SCN7A: variants seen among roughly 807,000 people sequenced by gnomAD.
SCN7A encodes the protein sodium channel protein type 7 subunit alpha.
In SCN7A, 138 loss-of-function variants were observed where a neutral mutation model predicts 155.2. The ratio of observed to expected loss-of-function variants is 0.89; its 90% confidence interval spans 0.77 to 1.02. The LOEUF (loss-of-function observed/expected upper bound fraction) is 1.02. Ranked by LOEUF, SCN7A falls within the 50% of genes least tolerant of loss-of-function variation. The pLI, the probability that SCN7A is intolerant of heterozygous loss-of-function variation, is 0.00. For missense variants in SCN7A, 2,058 were observed against 1,986.6 expected (o/e 1.04, Z -0.68); for synonymous variants, 693 against 649.0 (o/e 1.07, Z -1.03).
chr2:166,413,855 G>C (rs1701255462), intron 21 of SCN7A, among the ~76,000 whole-genome samples: 1 of 148,708 alleles, frequency 6.7e-6, no homozygotes, highest in Non-Finnish European at 1.5e-5. Context: ...AAGTTCTTCA[G>C]TTTTGAGACT....
At chr2:166,480,548 T>C (rs1434430553) in intron 2 of SCN7A, among the ~76,000 whole-genome samples, 1 of 151,876 alleles carries the variant, frequency 6.6e-6, no homozygotes, top group Non-Finnish European at 1.5e-5. Flanking sequence ...TATTAAATAA[T>C]TTATAAATAA....
chr2:166,487,225 G>A (rs1218986874), intron 1 of SCN7A, among the ~76,000 whole-genome samples: 1 of 152,138 alleles, frequency 6.6e-6, no homozygotes, highest in Non-Finnish European at 1.5e-5. Context: ...GAAACATCCT[G>A]AGTTGGATGA....
intron 14 of SCN7A, among the ~76,000 whole-genome samples, chr2:166,441,974 T>C (rs1407726207): frequency 1.3e-5 from 2 of 152,218 alleles, no homozygotes; most frequent in Non-Finnish European, 2.9e-5. Flanking sequence ...ACTGATGTAT[T>C]TGCCAATTCC....
chr2:166,438,343 C>T (rs1701881703), intron 15 of SCN7A, among the ~76,000 whole-genome samples: 1 of 152,084 alleles, frequency 6.6e-6, no homozygotes, highest in Non-Finnish European at 1.5e-5. Flanking sequence ...CTGAGGTCTT[C>T]ACCCTATGTA....
intron 11 of SCN7A, among the ~76,000 whole-genome samples, chr2:166,454,546 A>T (rs766183218): frequency 1.1e-4 from 16 of 152,148 alleles, no homozygotes; most frequent in Non-Finnish European, 2.2e-4. Flanking sequence ...TCCCTCTTTG[A>T]CTTAGTAGGG....
At chr2:166,423,999 T>C (rs1353580289) in intron 18 of SCN7A, among the ~76,000 whole-genome samples, 1 of 152,110 alleles carries the variant, frequency 6.6e-6, no homozygotes, top group Non-Finnish European at 1.5e-5. Context: ...TCTAATCATG[T>C]CATTGAAAGC....
intron 17 of SCN7A, among the ~76,000 whole-genome samples, chr2:166,428,531 T>G (rs1029601187): frequency 2.6e-5 from 4 of 152,028 alleles, no homozygotes; most frequent in African/African-American, 9.7e-5. Flanking sequence ...GGCTGCACTC[T>G]GCGCTCTGGC....
chr2:166,422,935 T>C (rs958412013), intron 19 of SCN7A, among the ~76,000 whole-genome samples: 1 of 152,130 alleles, frequency 6.6e-6, no homozygotes, highest in Non-Finnish European at 1.5e-5. Context: ...TTGTGATATA[T>C]GATTAAGAGT....
chr2:166,438,888 T>C (rs904279619), intron 15 of SCN7A, among the ~76,000 whole-genome samples: 1 of 151,492 alleles, frequency 6.6e-6, no homozygotes, highest in African/African-American at 2.4e-5. Flanking sequence ...CCTCTGCACA[T>C]TGATGAAGTT....
At chr2:166,445,024 T>G (rs925803620) in intron 12 of SCN7A, 24 bp from the exon 13 acceptor site, 3 of 1,495,480 alleles carry the variant, frequency 2.0e-6, no homozygotes, top group Non-Finnish European at 2.8e-6. Flanking sequence ...ATACAAAAGT[T>G]AAACATTCTG....
At chr2:166,451,052 G>A (rs1383738089) in intron 11 of SCN7A, among the ~76,000 whole-genome samples, 2 of 152,094 alleles carry the variant, frequency 1.3e-5, no homozygotes, top group Admixed American at 1.3e-4. Context: ...CCTTAATTGA[G>A]ATGAATTAAT....
At chr2:166,430,331 A>T (rs1701708150) in intron 16 of SCN7A, among the ~76,000 whole-genome samples, 1 of 151,982 alleles carries the variant, frequency 6.6e-6, no homozygotes, top group South Asian at 2.1e-4. Flanking sequence ...AAAGTAAAGT[A>T]TCCAGCAGAA....
At chr2:166,434,979 A>G (rs563675778) in intron 15 of SCN7A, among the ~76,000 whole-genome samples, 5 of 152,228 alleles carry the variant, frequency 3.3e-5, no homozygotes, top group South Asian at 2.1e-4. Context: ...AGTTTATGCT[A>G]TATTAATCAT....
intron 5 of SCN7A, 98 bp from the exon 6 acceptor site, chr2:166,472,543 A>C (rs1265250405): frequency 9.7e-7 from 1 of 1,029,500 alleles, no homozygotes; most frequent in African/African-American, 1.6e-5. Flanking sequence ...TTTAAGAATA[A>C]GTCATCAGGA....
rs112131676 is a variant in SCN7A, at chr2:166,423,504, G to A, written c.2854-72C>T. 925 of 1,430,126 alleles carry A rather than the reference G, an allele frequency of 6.5e-4. 5 individuals carry two copies. In the African/African-American group the frequency reaches 0.011, roughly 17 times the overall value. 88.6% of individuals were successfully genotyped at this position (1,430,126 alleles called of 1,614,324 possible). A position where few individuals can be genotyped will look rare whatever the true frequency, so the allele number is the denominator to read the frequency against. ...CTAAAAACTCTTTTGACATAAAAGC[G>A]AACAAAATTTTGTCTCTAATAGGCA... On this transcript the variant is annotated intron_variant, in intron 18 of 25. Coordinates refer to ENST00000643258, the MANE Select transcript of SCN7A (RefSeq NM_002976.4).
intron 7 of SCN7A, 79 bp downstream of exon 7, chr2:166,470,533 GAAC>G: frequency 1.7e-6 from 2 of 1,186,038 alleles, no homozygotes; most frequent in Admixed American, 2.6e-5. Flanking sequence ...TATTTCCTCT[GAAC>G]AACAACAGGG....
intron 15 of SCN7A, among the ~76,000 whole-genome samples, chr2:166,435,391 G>T (rs1701816270): frequency 6.7e-6 from 1 of 149,102 alleles, no homozygotes; most frequent in African/African-American, 2.5e-5. Flanking sequence ...TCTGTAACCA[G>T]ATTAAAAACA....
intron 2 of SCN7A, among the ~76,000 whole-genome samples, chr2:166,486,455 C>T (rs1453523843): frequency 1.3e-5 from 2 of 152,176 alleles, no homozygotes; most frequent in Non-Finnish European, 2.9e-5. Context: ...TCTGCAGTTC[C>T]CAAGTCCTGG....
chr2:166,484,391 G>T (rs1054908476), intron 2 of SCN7A, among the ~76,000 whole-genome samples: 3 of 151,704 alleles, frequency 2.0e-5, no homozygotes, highest in African/African-American at 7.3e-5. Flanking sequence ...ATATATTTAT[G>T]TACCTATGAG....
Sources: gnomAD v4.1 joint callset for allele counts (sites outside exome capture counted in the v4.1 genomes callset) on GRCh38, gnomAD v4.1.1 for gene constraint, MANE v1.5 for transcripts, NCBI Gene and HGNC (gene_info 2026-07-23, HGNC 2026-07-21) for gene names.